Variants in ALCAM observed in about 807,000 individuals in gnomAD.
The protein encoded by ALCAM is CD166 antigen.
Under a neutral mutation model 70.9 loss-of-function variants are expected in ALCAM, and 30 were observed. The ratio of observed to expected loss-of-function variants is 0.42; its 90% confidence interval spans 0.32 to 0.57. ALCAM has a LOEUF of 0.57. Ranked by LOEUF, ALCAM falls within the 20% of genes least tolerant of loss-of-function variation. ALCAM has a pLI of 0.11. For synonymous variants in ALCAM, 249 were observed against 242.5 expected, an observed-to-expected ratio of 1.03 and a Z score of -0.25; for missense variants, 591 against 695.1, an observed-to-expected ratio of 0.85 and a Z score of 1.68.
intron 1 of ALCAM, among the ~76,000 whole-genome samples, chr3:105,381,096 A>G (rs949498208): frequency 6.6e-6 from 1 of 151,946 alleles, no homozygotes; most frequent in African/African-American, 2.4e-5. Flanking sequence ...AATGGGAATA[A>G]TAGCACCTAT....
chr3:105,524,517 T>A lies in ALCAM; in HGVS notation c.394+9T>A, dbSNP rs1406198778. 6.2e-7 allele frequency: 1 copy of A among 1,613,932 alleles called. No homozygotes were observed. The highest frequency in any genetic ancestry group is 1.7e-5 in the Admixed American group (1 of 60,014). ...AATAGTCAAGGTGTTCAGTAAGTAGTCTGCAGCAGTGTCACTGCTAAGTGG... is the reference window on the plus strand; with the variant it reads ...AATAGTCAAGGTGTTCAGTAAGTAGACTGCAGCAGTGTCACTGCTAAGTGG... On this transcript the variant is annotated intron_variant, in intron 3 of 15. Coordinates refer to ENST00000306107, the MANE Select transcript of ALCAM (RefSeq NM_001627.4).
chr3:105,506,323 TATAGC>T (rs1259039276), intron 1 of ALCAM, among the ~76,000 whole-genome samples: 3 of 152,170 alleles, frequency 2.0e-5, no homozygotes, highest in African/African-American at 7.2e-5. Context: ...AACACACACT[TATAGC>T]ATATTTTTGT....
At chr3:105,427,938 T>A (rs140001060) in intron 1 of ALCAM, among the ~76,000 whole-genome samples, 181 of 152,082 alleles carry the variant, frequency 1.2e-3, no homozygotes, top group African/African-American at 4.1e-3. Flanking sequence ...TATACTTTTT[T>A]AAATAAAATA....
rs1258282374 is a variant in ALCAM, at chr3:105,576,499, T to C, written c.*2048T>C. The C allele has an allele frequency of 1.3e-5, 2 of 152,602 alleles. No homozygotes were observed. Among genetic ancestry groups the C allele is most frequent in the African/African-American group, 4.8e-5 (2 of 41,444 alleles). The allele number at this position is 152,602 out of a possible 1,614,324, so 9.5% of individuals were successfully genotyped here. A position where few individuals can be genotyped will look rare whatever the true frequency, so the allele number is the denominator to read the frequency against. On this transcript the variant is annotated 3_prime_UTR_variant, in exon 16 of 16. Transcript: ENST00000306107. ...AACATGACAATAGAGAGAGTTATGC[T>C]ACAATTATTTCTTGGTTTCCACTTG...
At chr3:105,442,756 G>T (rs1396843908) in intron 1 of ALCAM, among the ~76,000 whole-genome samples, 2 of 152,074 alleles carry the variant, frequency 1.3e-5, no homozygotes, top group Non-Finnish European at 2.9e-5. Flanking sequence ...ACTCCAGTTT[G>T]GGTGACAGAG....
At position 105,539,958 on chromosome 3, in the gene ALCAM, G is replaced by T. The variant is rs1402886883; in HGVS notation, c.731-17G>T. 12 of 1,609,248 alleles carry T rather than the reference G, an allele frequency of 7.5e-6. No individual in the cohort carries two copies. The highest frequency in any genetic ancestry group is 1.0e-5 in the Non-Finnish European group (12 of 1,177,258). On this transcript the variant is annotated splice_polypyrimidine_tract_variant and intron_variant, in intron 6 of 15. Coordinates refer to ENST00000306107, the MANE Select transcript of ALCAM (RefSeq NM_001627.4). ...TACTTGACAAAAATGGTTAACTTGT[G>T]TCTGTAACTCTTACAGATCCTACAG...
At chr3:105,368,400 C>T (rs773278903) in intron 1 of ALCAM, among the ~76,000 whole-genome samples, 5 of 152,118 alleles carry the variant, frequency 3.3e-5, no homozygotes, top group Non-Finnish European at 5.9e-5. Flanking sequence ...ATTCCGTGCG[C>T]TCACAGTTGC....
rs890535644 is a variant in ALCAM at position 105,367,246 on chromosome 3, G to A, written c.-163G>A. 3.7e-5 allele frequency: 24 copies of A among 647,996 alleles called. No homozygotes were observed. The highest frequency in any genetic ancestry group is 6.2e-5 in the Non-Finnish European group (23 of 372,604). The allele number at this position is 647,996 out of a possible 1,614,324, so 40.1% of individuals were successfully genotyped here. A position where few individuals can be genotyped will look rare whatever the true frequency, so the allele number is the denominator to read the frequency against. On this transcript the variant is annotated 5_prime_UTR_variant, in exon 1 of 16. Transcript: ENST00000306107. ...GCGTGGTGGAAAGTTGCGTGCGGCA[G>A]AGAACCGAAGGTGCAGCGCCACAGC...
chr3:105,391,360 T>C (rs969255489), intron 1 of ALCAM, among the ~76,000 whole-genome samples: 10 of 152,102 alleles, frequency 6.6e-5, no homozygotes, highest in African/African-American at 2.4e-4. Context: ...TTGTAGAAAT[T>C]GTGAATGGGA....
At chr3:105,488,278 T>C (rs534880447) in intron 1 of ALCAM, among the ~76,000 whole-genome samples, 1 of 152,212 alleles carries the variant, frequency 6.6e-6, no homozygotes, top group Admixed American at 6.5e-5. Flanking sequence ...ATAAACCTCT[T>C]TTCTTTATAA....
At chr3:105,500,372 G>A (rs951607281) in intron 1 of ALCAM, among the ~76,000 whole-genome samples, 21 of 150,090 alleles carry the variant, frequency 1.4e-4, no homozygotes, top group African/African-American at 4.7e-4. Flanking sequence ...GTATTTTTAC[G>A]ATGCAAGCTC....
At chr3:105,452,739 G>C (rs544760705) in intron 1 of ALCAM, among the ~76,000 whole-genome samples, 1 of 152,214 alleles carries the variant, frequency 6.6e-6, no homozygotes, top group East Asian at 1.9e-4. Context: ...AATATCCACT[G>C]TTTCCTGACT....
intron 1 of ALCAM, among the ~76,000 whole-genome samples, chr3:105,499,580 A>C (rs1938860966): frequency 6.6e-6 from 1 of 152,334 alleles, no homozygotes; most frequent in South Asian, 2.1e-4. Context: ...ACTGTATTCT[A>C]TAAATCAGTT....
intron 1 of ALCAM, among the ~76,000 whole-genome samples, chr3:105,404,705 A>T (rs1936177936): frequency 6.6e-6 from 1 of 152,124 alleles, no homozygotes; most frequent in Admixed American, 6.5e-5. Flanking sequence ...TAGGAAAAAA[A>T]ATAGCACGAT....
chr3:105,416,857 T>C (rs898092626), intron 1 of ALCAM, among the ~76,000 whole-genome samples: 3 of 151,974 alleles, frequency 2.0e-5, no homozygotes, highest in Admixed American at 6.6e-5. Context: ...TCCCTACATT[T>C]CCCTTGCATA....
intron 1 of ALCAM, among the ~76,000 whole-genome samples, chr3:105,390,813 G>C (rs1481645005): frequency 6.6e-6 from 1 of 152,164 alleles, no homozygotes; most frequent in Non-Finnish European, 1.5e-5. Flanking sequence ...TTCTGCGTAT[G>C]GCTAGCCAGT....
chr3:105,492,398 T>G (rs1938612534), intron 1 of ALCAM, among the ~76,000 whole-genome samples: 2 of 152,204 alleles, frequency 1.3e-5, no homozygotes, highest in Non-Finnish European at 2.9e-5. Flanking sequence ...CTAAATTAAT[T>G]TCTGAACAGA....
At chr3:105,445,718 T>C (rs549647986) in intron 1 of ALCAM, among the ~76,000 whole-genome samples, 2 of 152,244 alleles carry the variant, frequency 1.3e-5, no homozygotes, top group East Asian at 3.9e-4. Flanking sequence ...GTGCCAAGTA[T>C]ACACGTGAAG....
chr3:105,555,261 G>T (rs1340834324), intron 14 of ALCAM, among the ~76,000 whole-genome samples: 1 of 151,918 alleles, frequency 6.6e-6, no homozygotes, highest in Admixed American at 6.6e-5. Flanking sequence ...TAATCGAAAA[G>T]TTCACCAACT....
Sources: allele counts gnomAD v4.1 joint callset (sites outside exome capture counted in the v4.1 genomes callset), GRCh38; gene constraint gnomAD v4.1.1; transcripts MANE v1.5; gene names NCBI Gene and HGNC (gene_info 2026-07-23, HGNC 2026-07-21).